Variants in DPYD observed in about 807,000 individuals in gnomAD.
The protein encoded by DPYD is dihydropyrimidine dehydrogenase.
Under a neutral mutation model 116.2 loss-of-function variants are expected in DPYD, and 109 were observed. The observed-to-expected ratio is 0.94, with a 90% CI of 0.80 to 1.10. DPYD has a LOEUF of 1.10. Among genes scored for constraint, DPYD ranks in the 50% least tolerant of loss-of-function variants. DPYD has a pLI of 0.00. For missense variants in DPYD, 1,302 were observed against 1,254.5 expected (o/e 1.04, Z -0.57); for synonymous variants, 440 against 432.0 (o/e 1.02, Z -0.23).
intron 13 of DPYD, among the ~76,000 whole-genome samples, chr1:97,490,916 C>T (rs1449173313): frequency 1.3e-5 from 2 of 150,452 alleles, no homozygotes; most frequent in African/African-American, 4.9e-5. Flanking sequence ...TGCTCTTCTG[C>T]AGTAAGCTAC....
chr1:97,889,290 G>A (rs1240123618), intron 1 of DPYD, among the ~76,000 whole-genome samples: 1 of 151,968 alleles, frequency 6.6e-6, no homozygotes, highest in Non-Finnish European at 1.5e-5. Flanking sequence ...GTAAAGTATA[G>A]GTAATTATGA....
At chr1:97,724,458 G>C (rs1329330076) in intron 4 of DPYD, among the ~76,000 whole-genome samples, 1 of 151,334 alleles carries the variant, frequency 6.6e-6, no homozygotes, top group Admixed American at 6.6e-5. Context: ...ACACAGAAGA[G>C]CCAATGTTTT....
intron 2 of DPYD, among the ~76,000 whole-genome samples, chr1:97,839,489 A>C (rs1348688070): frequency 6.6e-6 from 1 of 151,994 alleles, no homozygotes; most frequent in East Asian, 1.9e-4. Context: ...AACATCAGTC[A>C]GCAATTCTTT....
chr1:97,632,934 C>T (rs557369565), intron 8 of DPYD, among the ~76,000 whole-genome samples: 2 of 152,170 alleles, frequency 1.3e-5, no homozygotes, highest in South Asian at 4.2e-4. Flanking sequence ...ATAGAGCCAA[C>T]ATTCACATTA....
chr1:97,734,005 G>A (rs1663783453), intron 4 of DPYD, among the ~76,000 whole-genome samples: 1 of 151,950 alleles, frequency 6.6e-6, no homozygotes, highest in Non-Finnish European at 1.5e-5. Flanking sequence ...AAATTTTCAG[G>A]AGCTCTTTGA....
At chr1:97,826,566 G>A (rs1000334954) in intron 3 of DPYD, among the ~76,000 whole-genome samples, 1 of 152,056 alleles carries the variant, frequency 6.6e-6, no homozygotes, top group Non-Finnish European at 1.5e-5. Flanking sequence ...ATATTGGCAT[G>A]CATGTTTACT....
intron 11 of DPYD, among the ~76,000 whole-genome samples, chr1:97,559,470 A>G (rs529668858): frequency 6.6e-6 from 1 of 152,262 alleles, no homozygotes; most frequent in African/African-American, 2.4e-5. Flanking sequence ...TATCCATGTA[A>G]TGTGTGTTCA....
intron 19 of DPYD, among the ~76,000 whole-genome samples, chr1:97,216,138 C>T (rs533031091): frequency 1.3e-5 from 2 of 152,140 alleles, no homozygotes; most frequent in Admixed American, 6.6e-5. Flanking sequence ...TAATTTCCCA[C>T]AGTGAGATGA....
At chr1:97,447,333 T>C (rs886672325) in intron 14 of DPYD, among the ~76,000 whole-genome samples, 1 of 152,128 alleles carries the variant, frequency 6.6e-6, no homozygotes, top group African/African-American at 2.4e-5. Context: ...AAATGAAGGG[T>C]CACCTTCTTT....
At chr1:97,264,361 T>G (rs1664092656) in intron 18 of DPYD, among the ~76,000 whole-genome samples, 1 of 151,686 alleles carries the variant, frequency 6.6e-6, no homozygotes, top group Non-Finnish European at 1.5e-5. Flanking sequence ...TTGTTTCTAA[T>G]TTTTAGTAGA....
At chr1:97,332,839 T>C (rs1669085336) in intron 16 of DPYD, among the ~76,000 whole-genome samples, 1 of 152,246 alleles carries the variant, frequency 6.6e-6, no homozygotes, top group South Asian at 2.1e-4. Flanking sequence ...TTTCAACTAT[T>C]TGTGAATGGT....
rs71590220 is a variant in DPYD, at chr1:97,242,124, GTATATATATATA to G, written c.2300-7142_2300-7131del. 1.1e-3 allele frequency among the ~76,000 whole-genome samples: 40 copies of G among 35,858 alleles called. 1 individual carries two copies. Among genetic ancestry groups the G allele is most frequent in the African/African-American group, 2.2e-3 (17 of 7,816 alleles). The allele number at this position is 35,858 out of a possible 152,430, so 23.5% of individuals were successfully genotyped here. On this transcript the variant is annotated intron_variant, in intron 18 of 22. Coordinates refer to ENST00000370192, the MANE Select transcript of DPYD (RefSeq NM_000110.4). Reference sequence around the variant, plus strand: ...TAATTTGCAACGTGTGTGTGCGTGTGTATATATATATATATATATATATATATATATATATAT... The same window carrying G: ...TAATTTGCAACGTGTGTGTGCGTGTGTATATATATATATATATATATATAT...
chr1:97,539,782 A>G (rs932988729), intron 12 of DPYD, among the ~76,000 whole-genome samples: 3 of 152,194 alleles, frequency 2.0e-5, no homozygotes, highest in Non-Finnish European at 4.4e-5. Context: ...TGAAGGGACA[A>G]TGAGCTTCTG....
chr1:97,454,063 A>G (rs998186769), intron 13 of DPYD, among the ~76,000 whole-genome samples: 27 of 152,184 alleles, frequency 1.8e-4, no homozygotes, highest in African/African-American at 5.8e-4. Context: ...TTAGCATCAT[A>G]GAAATTCAAC....
chr1:97,293,272 A>G (rs1347445270), intron 18 of DPYD, among the ~76,000 whole-genome samples: 2 of 152,194 alleles, frequency 1.3e-5, no homozygotes, highest in Non-Finnish European at 2.9e-5. Context: ...ATCCTACAAT[A>G]TGTTAAGACA....
At chr1:97,465,508 C>T (rs545435352) in intron 13 of DPYD, among the ~76,000 whole-genome samples, 52 of 152,158 alleles carry the variant, frequency 3.4e-4, no homozygotes, top group Non-Finnish European at 2.9e-5. Flanking sequence ...AAATGAATCA[C>T]GGGGGTAAGT....
chr1:97,363,446 TA>T (rs1428470488), intron 16 of DPYD, among the ~76,000 whole-genome samples: 1 of 152,168 alleles, frequency 6.6e-6, no homozygotes, highest in Non-Finnish European at 1.5e-5. Flanking sequence ...GTGATCCCAT[TA>T]CTGGGTATAT....
intron 2 of DPYD, among the ~76,000 whole-genome samples, chr1:97,882,698 C>T (rs1376818687): frequency 6.6e-6 from 1 of 151,964 alleles, no homozygotes; most frequent in Non-Finnish European, 1.5e-5. Flanking sequence ...TACAGTTAAA[C>T]AAAGTTCTAG....
intron 18 of DPYD, chr1:97,295,523 C>CA (rs764410741): frequency 2.0e-5 from 3 of 152,340 alleles, no homozygotes; most frequent in Non-Finnish European, 4.4e-5. Flanking sequence ...ATCGACCTCC[C>CA]AGACTGAATC....
Sources: gnomAD v4.1 joint callset for allele counts (sites outside exome capture counted in the v4.1 genomes callset) on GRCh38, gnomAD v4.1.1 for gene constraint, MANE v1.5 for transcripts, NCBI Gene and HGNC (gene_info 2026-07-23, HGNC 2026-07-21) for gene names.